TSPEAR: variants seen among roughly 807,000 people sequenced by gnomAD.
TSPEAR encodes the protein thrombospondin-type laminin G domain and EAR repeat-containing protein.
A neutral mutation model predicts 71.6 loss-of-function variants in TSPEAR; 69 were observed. That is an observed-to-expected ratio of 0.96 (90% CI 0.79 to 1.18). TSPEAR has a LOEUF of 1.18. Among genes scored for constraint, TSPEAR ranks in the 50% most tolerant of loss-of-function variants. The pLI, the probability that TSPEAR is intolerant of heterozygous loss-of-function variation, is 0.00. For synonymous variants in TSPEAR, 402 were observed against 387.2 expected (o/e 1.04, Z -0.45); for missense variants, 971 against 894.9 (o/e 1.09, Z -1.09).
chr21:44,574,621 C>T (rs1978318069), intron 1 of TSPEAR: 1 of 1,293,720 alleles, frequency 7.7e-7, no homozygotes. Context: ...TGCTCTGTGC[C>T]CATCTGCTCT....
intron 1 of TSPEAR, among the ~76,000 whole-genome samples, chr21:44,672,755 G>T (rs55817472): frequency 0.039 from 5,956 of 152,028 alleles, 128 homozygotes; most frequent in Middle Eastern, 0.085. Flanking sequence ...GAGGGGGAGG[G>T]GATTGGATCA....
At chr21:44,677,942 T>C (rs985541362) in intron 1 of TSPEAR, 24 of 1,376,594 alleles carry the variant, frequency 1.7e-5, no homozygotes, top group Non-Finnish European at 2.3e-5. Flanking sequence ...AAAGGCCAGC[T>C]CCAGCAATGT....
Position 44,548,196 on chromosome 21 carries a change from C to T in TSPEAR, c.304-14273G>A, listed in dbSNP as rs182922089. ...CCAGATGGGTAGAAACAGACAACTG[C>T]ACTGCCTTGCAAACAAGGTCCCCTC... On this transcript the variant is annotated intron_variant, in intron 2 of 11. Transcript: ENST00000323084. Among the ~76,000 whole-genome samples, 5 of 152,322 alleles carry T rather than the reference C, an allele frequency of 3.3e-5. No individual in the cohort carries two copies. In the East Asian group the frequency reaches 9.7e-4, roughly 29 times the overall value.
chr21:44,579,936 A>C (rs782654331), intron 1 of TSPEAR: 1 of 1,613,922 alleles, frequency 6.2e-7, no homozygotes, highest in African/African-American at 1.3e-5. Flanking sequence ...GAGGGTCTGC[A>C]GCAGGAGGTG....
At chr21:44,564,694 T>TC (rs1377442693) in intron 2 of TSPEAR, among the ~76,000 whole-genome samples, 2 of 152,094 alleles carry the variant, frequency 1.3e-5, no homozygotes, top group African/African-American at 4.8e-5. Context: ...ATTGAATAGT[T>TC]CAACACCGTA....
chr21:44,660,901 A>C (rs1985450815), intron 1 of TSPEAR, among the ~76,000 whole-genome samples: 4 of 152,188 alleles, frequency 2.6e-5, no homozygotes, highest in Admixed American at 2.6e-4. Context: ...CGGGAGGCAG[A>C]GGTTGCAGTG....
In TSPEAR at chr21:44,579,076, C is replaced by T. The variant is rs189249549; in HGVS notation, c.83-11071G>A. The stretch of plus-strand genomic sequence containing the variant: ...CTGCTAAGCGGGCAGAACTCTCGGG[C>T]GGGCGGCACACAGGGAGGGTGACCA... On this transcript the variant is annotated intron_variant, in intron 1 of 11. Transcript: ENST00000323084. Among the ~76,000 whole-genome samples, 87 of 152,298 alleles carry T rather than the reference C, an allele frequency of 5.7e-4. No homozygotes were observed. In the East Asian group the frequency reaches 0.013, roughly 23 times the overall value.
At position 44,590,875 on chromosome 21, in the gene TSPEAR, C is replaced by T. The variant is rs587654028; in HGVS notation, c.83-22870G>A. On this transcript the variant is annotated intron_variant, in intron 1 of 11. Coordinates refer to ENST00000323084, the MANE Select transcript of TSPEAR (RefSeq NM_144991.3). The stretch of plus-strand genomic sequence containing the variant: ...GCCATGTGCTGGGGTTGGGGGCCCA[C>T]GGGGCTAAGAGGGAGACTGGCCTTC... 7.9e-3 allele frequency among the ~76,000 whole-genome samples: 1,206 copies of T among 152,028 alleles called. 7 individuals carry two copies. The highest frequency in any genetic ancestry group is 9.5e-3 in the Non-Finnish European group (648 of 67,972).
At chr21:44,572,300 G>C (rs2053813119) in intron 1 of TSPEAR, among the ~76,000 whole-genome samples, 1 of 152,212 alleles carries the variant, frequency 6.6e-6, no homozygotes, top group Non-Finnish European at 1.5e-5. Flanking sequence ...GGACCCACCG[G>C]AAGTTGGTGC....
chr21:44,698,700 G>A (rs1555951119), intron 1 of TSPEAR, among the ~76,000 whole-genome samples: 1 of 152,212 alleles, frequency 6.6e-6, no homozygotes, highest in Admixed American at 6.5e-5. Context: ...TCCTCACAGG[G>A]AGATTCAGAG....
chr21:44,659,390 G>A (rs76111547), intron 1 of TSPEAR, among the ~76,000 whole-genome samples: 2,806 of 108,952 alleles, frequency 0.026, 35 homozygotes, highest in Non-Finnish European at 0.033. Context: ...AAGCACAAGC[G>A]GTTGGTGCAC....
In TSPEAR at chr21:44,637,665, A is replaced by C. The variant is rs76743925; in HGVS notation, c.83-69660T>G. 4,539 of 1,574,330 alleles carry C rather than the reference A, an allele frequency of 2.9e-3. 105 individuals carry two copies. In the African/African-American group the frequency reaches 0.049, roughly 17 times the overall value. ...TACCAGCAGTCTAGCTGCCAGCCGG[A>C]TTGCTGCACCTCCTCCCCCTGCCAG... On this transcript the variant is annotated intron_variant, in intron 1 of 11. Transcript: ENST00000323084.
chr21:44,580,589 G>A, intron 1 of TSPEAR: 1 of 1,601,726 alleles, frequency 6.2e-7, no homozygotes, highest in Non-Finnish European at 8.5e-7. Context: ...GCTGGGGTGG[G>A]GAAGACGTGA....
At chr21:44,557,226 C>T (rs188312490) in intron 2 of TSPEAR, among the ~76,000 whole-genome samples, 1 of 152,262 alleles carries the variant, frequency 6.6e-6, no homozygotes, top group East Asian at 1.9e-4. Flanking sequence ...AGAAAACACA[C>T]CTGTCTTAGA....
intron 1 of TSPEAR, chr21:44,646,608 G>A: frequency 1.9e-6 from 3 of 1,612,746 alleles, no homozygotes; most frequent in African/African-American, 1.3e-5. Flanking sequence ...GCACCCCAGT[G>A]AGCTGTGTGT....
At chr21:44,581,846 A>G (rs1979000279) in intron 1 of TSPEAR, among the ~76,000 whole-genome samples, 1 of 152,140 alleles carries the variant, frequency 6.6e-6, no homozygotes, top group Non-Finnish European at 1.5e-5. Flanking sequence ...GTGGCAGTTC[A>G]TTTGATTTTC....
intron 2 of TSPEAR, among the ~76,000 whole-genome samples, chr21:44,537,789 C>T (rs2053113919): frequency 6.6e-6 from 1 of 152,120 alleles, no homozygotes; most frequent in Non-Finnish European, 1.5e-5. Flanking sequence ...CAGAGGATCC[C>T]CAGCCCTAAA....
chr21:44,619,347 C>T (rs782198255), intron 1 of TSPEAR, among the ~76,000 whole-genome samples: 1 of 152,250 alleles, frequency 6.6e-6, no homozygotes, highest in Non-Finnish European at 1.5e-5. Context: ...CAATCCACAA[C>T]AATCAGCAAC....
chr21:44,529,276 AATAC>A (rs1555915407), intron 5 of TSPEAR, among the ~76,000 whole-genome samples: 2 of 152,154 alleles, frequency 1.3e-5, no homozygotes, highest in African/African-American at 2.4e-5. Context: ...GGTTTAAATA[AATAC>A]AGTCACCCTT....
Sources: gnomAD v4.1 joint callset for allele counts (sites outside exome capture counted in the v4.1 genomes callset) on GRCh38, gnomAD v4.1.1 for gene constraint, MANE v1.5 for transcripts, NCBI Gene and HGNC (gene_info 2026-07-23, HGNC 2026-07-21) for gene names.